Variants in TRERF1 observed in about 807,000 individuals in gnomAD.
The protein encoded by TRERF1 is transcriptional-regulating factor 1.
TRERF1 carries 27 observed loss-of-function variants against 122.9 expected under a neutral mutation model. The observed-to-expected ratio is 0.22, with a 90% confidence interval of 0.16 to 0.30. The LOEUF (loss-of-function observed/expected upper bound fraction) is 0.30, where lower values mean the gene tolerates loss of function less well. Ranked by LOEUF, TRERF1 falls within the 10% of genes least tolerant of loss-of-function variation. The pLI is 1.00. For synonymous variants in TRERF1, 636 were observed against 641.7 expected (o/e 0.99, Z 0.13); for missense variants, 1,248 against 1,560.3 (o/e 0.80, Z 3.37).
chr6:42,262,434 C>G (rs1400461652), intron 8 of TRERF1, among the ~76,000 whole-genome samples: 301 of 22,526 alleles, frequency 0.013, 20 homozygotes, highest in African/African-American at 0.046. Context: ...TCCCTAGGGG[C>G]AGAGAGAGAG....
intron 4 of TRERF1, among the ~76,000 whole-genome samples, chr6:42,299,330 G>A (rs1234194010): frequency 6.6e-6 from 1 of 152,012 alleles, no homozygotes; most frequent in Non-Finnish European, 1.5e-5. Context: ...AATGAAATGA[G>A]GGGGGAAAAT....
At chr6:42,336,475 G>A (rs1448881668) in intron 3 of TRERF1, among the ~76,000 whole-genome samples, 1 of 152,070 alleles carries the variant, frequency 6.6e-6, no homozygotes, top group Admixed American at 6.6e-5. Context: ...CCCAACCTTG[G>A]TCAGGAGGTA....
At chr6:42,294,030 C>T (rs1182170439) in intron 4 of TRERF1, among the ~76,000 whole-genome samples, 2 of 152,090 alleles carry the variant, frequency 1.3e-5, no homozygotes, top group African/African-American at 4.8e-5. Context: ...ACACCTGATC[C>T]CTAAGGATCT....
chr6:42,293,925 G>A (rs1450188529), intron 4 of TRERF1, among the ~76,000 whole-genome samples: 2 of 152,110 alleles, frequency 1.3e-5, no homozygotes, highest in Non-Finnish European at 2.9e-5. Context: ...TCTGTTGGAC[G>A]AATCCCCTGA....
At position 42,381,999 on chromosome 6, in the gene TRERF1, T is replaced by G. The variant is rs61312647; in HGVS notation, c.-453-18920A>C. Among the ~76,000 whole-genome samples the G allele has an allele frequency of 7.9e-3, 1,193 of 151,750 alleles. 36 individuals carry two copies. The East Asian group carries it at 0.11, about 14-fold the overall frequency. ...CTTAATGGCACTATTGTAAGCACTT[T>G]CCCATACTCAGTTAATCCTCATTAC... On this transcript the variant is annotated intron_variant, in intron 2 of 17. Coordinates refer to ENST00000372922, the Ensembl canonical transcript of TRERF1.
At chr6:42,233,236 AT>A (rs1209860171) in intron 16 of TRERF1, among the ~76,000 whole-genome samples, 4 of 139,592 alleles carry the variant, frequency 2.9e-5, no homozygotes, top group African/African-American at 1.1e-4. Flanking sequence ...TGTATACTTT[AT>A]TTTTTTCCAT....
chr6:42,281,471 C>T (rs1326198467), intron 4 of TRERF1, among the ~76,000 whole-genome samples: 2 of 152,130 alleles, frequency 1.3e-5, no homozygotes, highest in East Asian at 1.9e-4. Context: ...TAAAATCTCT[C>T]CCTCTCTCTC....
rs1270159620 is a variant in TRERF1 at position 42,337,527 on chromosome 6, A to T, written c.-371+25470T>A. On this transcript the variant is annotated intron_variant, in intron 3 of 17. Transcript: ENST00000372922. ...CAAGGCCCACCAAGTCTACTGGGAG[A>T]GGCAGCCACGCTCAAACCACTATCC... Among the ~76,000 whole-genome samples, 3 of 152,228 alleles carry T rather than the reference A, an allele frequency of 2.0e-5. No individual in the cohort carries two copies. In the East Asian group the frequency reaches 5.8e-4, roughly 29 times the overall value.
At chr6:42,402,657 C>A (rs1258921665) in intron 2 of TRERF1, among the ~76,000 whole-genome samples, 2 of 152,120 alleles carry the variant, frequency 1.3e-5, no homozygotes, top group African/African-American at 2.4e-5. Context: ...AAAGTCATTT[C>A]TTATCAAGCT....
At chr6:42,360,389 C>T (rs977476028) in intron 3 of TRERF1, among the ~76,000 whole-genome samples, 3 of 152,122 alleles carry the variant, frequency 2.0e-5, no homozygotes, top group Admixed American at 2.0e-4. Flanking sequence ...TATATTTAAC[C>T]TACTAGAAGG....
intron 3 of TRERF1, among the ~76,000 whole-genome samples, chr6:42,340,360 G>C (rs1373100471): frequency 6.6e-6 from 1 of 152,104 alleles, no homozygotes; most frequent in Non-Finnish European, 1.5e-5. Flanking sequence ...GGTTCACCAG[G>C]CCCATTCACA....
chr6:42,335,534 T>A lies in TRERF1; in HGVS notation c.-371+27463A>T, dbSNP rs541114640. Among the ~76,000 whole-genome samples, 5 of 152,356 alleles carry A rather than the reference T, an allele frequency of 3.3e-5. No homozygotes were observed. In the East Asian group the frequency reaches 7.7e-4, roughly 23 times the overall value. ...CCAGGCCAATTGGATCTAGTGTCTG[T>A]GCTTGGCAGGGTTAGCCAGGGCCTG... On this transcript the variant is annotated intron_variant, in intron 3 of 17. Coordinates refer to ENST00000372922, the Ensembl canonical transcript of TRERF1.
intron 3 of TRERF1, among the ~76,000 whole-genome samples, chr6:42,310,939 C>T (rs963307814): frequency 6.6e-6 from 1 of 152,126 alleles, no homozygotes; most frequent in Non-Finnish European, 1.5e-5. Flanking sequence ...TCCTTTTTGG[C>T]GTTGATGTTT....
chr6:42,258,279 T>A, intron 9 of TRERF1, 78 bp from the exon 10 acceptor site: 20 of 1,262,440 alleles, frequency 1.6e-5, no homozygotes, highest in South Asian at 2.6e-5. Flanking sequence ...AGCAGTTACC[T>A]AACCAGCCAT....
intron 4 of TRERF1, among the ~76,000 whole-genome samples, chr6:42,282,426 T>C (rs986211762): frequency 6.6e-6 from 1 of 152,112 alleles, no homozygotes; most frequent in East Asian, 1.9e-4. Context: ...TGCACACTTG[T>C]AGTCCCAGCT....
intron 3 of TRERF1, among the ~76,000 whole-genome samples, chr6:42,330,383 T>C (rs1390196282): frequency 2.6e-5 from 4 of 152,214 alleles, no homozygotes; most frequent in Non-Finnish European, 1.5e-5. Context: ...AATTTCAACA[T>C]GCATGCCCTC....
chr6:42,252,302 G>C (rs1775972700), intron 13 of TRERF1, among the ~76,000 whole-genome samples: 1 of 152,358 alleles, frequency 6.6e-6, no homozygotes, highest in East Asian at 1.9e-4. Flanking sequence ...GTGGGAAAGG[G>C]AAGATAATGA....
chr6:42,437,720 G>A (rs1381419866), intron 2 of TRERF1, among the ~76,000 whole-genome samples: 1 of 152,110 alleles, frequency 6.6e-6, no homozygotes, highest in Non-Finnish European at 1.5e-5. Flanking sequence ...GAGTTCCGGA[G>A]TCTGAATCCC....
At chr6:42,437,073 T>G (rs1489290773) in intron 2 of TRERF1, among the ~76,000 whole-genome samples, 1 of 151,966 alleles carries the variant, frequency 6.6e-6, no homozygotes, top group African/African-American at 2.4e-5. Flanking sequence ...CAAGTGTGGA[T>G]TTTTACACAC....
Sources: allele counts gnomAD v4.1 joint callset (sites outside exome capture counted in the v4.1 genomes callset), GRCh38; gene constraint gnomAD v4.1.1; transcripts MANE v1.5; gene names NCBI Gene and HGNC (gene_info 2026-07-23, HGNC 2026-07-21).